The following TMEM260 variants were observed in gnomAD, a reference collection of about 807,000 sequenced individuals.
TMEM260 encodes the protein transmembrane protein 260, also known as protein O-mannosyl-transferase TMEM260.
In TMEM260, 82 loss-of-function variants were observed where a neutral mutation model predicts 88.9. That is an observed-to-expected ratio of 0.92 (90% confidence interval 0.77 to 1.11). The LOEUF (loss-of-function observed/expected upper bound fraction) is 1.11. Among genes scored for constraint, TMEM260 ranks in the 50% least tolerant of loss-of-function variants. TMEM260 has a pLI of 0.00. For missense variants in TMEM260, 902 were observed against 853.4 expected (o/e 1.06, Z -0.71); for synonymous variants, 314 against 309.3 (o/e 1.02, Z -0.16).
chr14:56,579,613 CG>C, upstream of TMEM260: 1 of 316,608 alleles, frequency 3.2e-6, no homozygotes, highest in Non-Finnish European at 5.7e-6. Context: ...GGCCTGTGGC[CG>C]GGCTTGCTTT....
At chr14:56,608,544 TGAG>T (rs1887055184) in intron 5 of TMEM260, among the ~76,000 whole-genome samples, 1 of 152,316 alleles carries the variant, frequency 6.6e-6, no homozygotes, top group African/African-American at 2.4e-5. Flanking sequence ...ATATGTAAAT[TGAG>T]GAGAAAAAAA....
At chr14:56,624,109 G>A (rs188367221) in intron 11 of TMEM260, among the ~76,000 whole-genome samples, 59 of 152,236 alleles carry the variant, frequency 3.9e-4, no homozygotes, top group African/African-American at 1.3e-3. Flanking sequence ...TGCCAAAAGA[G>A]TTTTTAACTT....
chr14:56,633,048 A>G lies in TMEM260; in HGVS notation c.1601A>G (p.Lys534Arg). 6.2e-7 allele frequency: 1 copy of G among 1,613,952 alleles called. No individual in the cohort carries two copies. The highest frequency in any genetic ancestry group is 8.5e-7 in the Non-Finnish European group (1 of 1,179,950). Residue 534 changes from lysine (K) to arginine (R), a missense_variant, in exon 13 of 16, where the codon AAG (lysine) becomes AGG (arginine). Physicochemically the swap from Lys to Arg is conservative, Grantham distance 26. Transcript: ENST00000261556. ...GIHEGDPTWK[K>R]NYSLWPWGSC... ...CATGAAGGCGACCCAACCTGGAAAAAGAACTATTCACTTTGGCCATGGGGG... is the reference window on the plus strand; with the variant it reads ...CATGAAGGCGACCCAACCTGGAAAAGGAACTATTCACTTTGGCCATGGGGG...
the TMEM260 span, among the ~76,000 whole-genome samples, chr14:56,662,394 C>T: frequency 1.3e-5 from 2 of 152,242 alleles, no homozygotes; most frequent in Middle Eastern, 3.4e-3. Flanking sequence ...CTGCAGAGCC[C>T]GGCCACCAAC....
intron 11 of TMEM260, among the ~76,000 whole-genome samples, chr14:56,623,869 AAAT>A (rs1186981358): frequency 5.3e-5 from 8 of 152,212 alleles, no homozygotes; most frequent in Non-Finnish European, 1.2e-4. Context: ...ACAATTTCTC[AAAT>A]GATGATATCC....
intron 15 of TMEM260, 100 bp from the exon 16 acceptor site, chr14:56,647,142 AT>A (rs914633815): frequency 3.8e-5 from 50 of 1,323,438 alleles, no homozygotes; most frequent in African/African-American, 7.5e-5. Context: ...GGCTGCTTGA[AT>A]TTTTTTTTCT....
intron 15 of TMEM260, among the ~76,000 whole-genome samples, chr14:56,641,293 C>T (rs1052545355): frequency 2.6e-5 from 4 of 152,108 alleles, no homozygotes; most frequent in Non-Finnish European, 5.9e-5. Context: ...CAAAGGGAAG[C>T]CCATCAGACT....
chr14:56,647,293 C>T lies in TMEM260; in HGVS notation c.1920C>T (p.His640=). Residue 640 remains histidine (H), a synonymous_variant, in exon 16 of 16, where the codon CAC becomes CAT. Coordinates refer to ENST00000261556, the MANE Select transcript of TMEM260 (RefSeq NM_017799.4). ...YLQKEHPVNW[H]KNYAIACERM... The stretch of plus-strand genomic sequence containing the variant: ...AAAAGGAGCACCCAGTGAATTGGCA[C>T]AAGAACTATGCCATCGCCTGTGAGC... The T allele has an allele frequency of 6.2e-7, 1 of 1,614,062 alleles. No homozygotes were observed. The highest frequency in any genetic ancestry group is 8.5e-7 in the Non-Finnish European group (1 of 1,179,960).
chr14:56,590,028 G>C (rs986208938), intron 3 of TMEM260, among the ~76,000 whole-genome samples: 1 of 152,164 alleles, frequency 6.6e-6, no homozygotes, highest in African/African-American at 2.4e-5. Context: ...GTAACAAATA[G>C]TTACCAAGTT....
chr14:56,607,834 T>C lies in TMEM260; in HGVS notation c.637-1272T>C, dbSNP rs2139563671. 2.0e-5 allele frequency among the ~76,000 whole-genome samples: 3 copies of C among 152,272 alleles called. No individual in the cohort carries two copies. The Middle Eastern group carries it at 0.01, about 518-fold the overall frequency. ...TAAGAAGCTCCCCAGGTGATTTTAA[T>C]GTGCAGTTAGGATTAGGAGCCACTT... On this transcript the variant is annotated intron_variant, in intron 5 of 15. Transcript: ENST00000261556.
At chr14:56,604,645 G>T (rs1886782815) in intron 4 of TMEM260, among the ~76,000 whole-genome samples, 1 of 151,976 alleles carries the variant, frequency 6.6e-6, no homozygotes, top group African/African-American at 2.4e-5. Context: ...TATTAGAGGG[G>T]GTTTTTGGCT....
chr14:56,627,076 C>T (rs534913824), intron 12 of TMEM260, among the ~76,000 whole-genome samples: 223 of 152,054 alleles, frequency 1.5e-3, no homozygotes, highest in Non-Finnish European at 2.3e-3. Context: ...AATAATTTAA[C>T]GAATATTCTA....
Position 56,615,990 on chromosome 14 carries a change from GC to G in TMEM260, c.907del (p.Ala304GlnfsTer8). ...GACCGAACTCTCATTCAACATCCAA[GC>G]CCTTGCAGTTTGTGCAAATATATGT... ...MRTELSFNIQ[A>X]LAVCANICLA... On this transcript the variant is annotated frameshift_variant, in exon 8 of 16. Transcript: ENST00000261556. LOFTEE classifies it high-confidence loss of function. 1 of 1,613,222 alleles carries G rather than the reference GC, an allele frequency of 6.2e-7. No individual in the cohort carries two copies. Among genetic ancestry groups the G allele is most frequent in the Non-Finnish European group, 8.5e-7 (1 of 1,179,418 alleles).
intron 15 of TMEM260, among the ~76,000 whole-genome samples, chr14:56,646,671 T>G (rs1221659853): frequency 6.6e-6 from 1 of 152,368 alleles, no homozygotes; most frequent in South Asian, 2.1e-4. Context: ...TCTCACTTTA[T>G]GGATATCTCT....
At chr14:56,633,264 T>G in intron 13 of TMEM260, 93 bp downstream of exon 13, 1 of 1,068,000 alleles carries the variant, frequency 9.4e-7, no homozygotes, top group Non-Finnish European at 1.3e-6. Flanking sequence ...TCTAATTTTT[T>G]TTTTTATTAA....
chr14:56,610,538 G>T (rs547090829), intron 6 of TMEM260, among the ~76,000 whole-genome samples: 7 of 152,086 alleles, frequency 4.6e-5, no homozygotes, highest in Non-Finnish European at 1.0e-4. Flanking sequence ...CACCGCGCCC[G>T]GCCAGTGAGG....
At chr14:56,583,524 C>T (rs1885275109) in intron 1 of TMEM260, among the ~76,000 whole-genome samples, 1 of 151,794 alleles carries the variant, frequency 6.6e-6, no homozygotes, top group Non-Finnish European at 1.5e-5. Flanking sequence ...TATCCTGGCA[C>T]GATCGTGAAA....
chr14:56,636,856 AC>A (rs1889132399), intron 15 of TMEM260, among the ~76,000 whole-genome samples: 1 of 152,206 alleles, frequency 6.6e-6, no homozygotes, highest in African/African-American at 2.4e-5. Flanking sequence ...TGAATATGTT[AC>A]CTATGTAACA....
In TMEM260 at chr14:56,633,410, GGTTAGA is replaced by G. The variant is rs1260272496; in HGVS notation, c.1724+240_1724+245del. On this transcript the variant is annotated intron_variant, in intron 13 of 15. Coordinates refer to ENST00000261556, the MANE Select transcript of TMEM260 (RefSeq NM_017799.4). ...GTGCTGGTTGTGTGGATACCATGAT[GGTTAGA>G]TGCATGGCACCTTCTACTTCCAAGT... is the stretch of plus-strand genomic sequence containing the variant. 3.6e-4 allele frequency: 123 copies of G among 340,056 alleles called. 1 individual carries two copies. Among genetic ancestry groups the G allele is most frequent in the Middle Eastern group, 9.0e-4 (1 of 1,114 alleles). 21.1% of individuals were successfully genotyped at this position (340,056 alleles called of 1,614,324 possible). A position where few individuals can be genotyped will look rare whatever the true frequency, so the allele number is the denominator to read the frequency against.
Sources: allele counts gnomAD v4.1 joint callset (sites outside exome capture counted in the v4.1 genomes callset), GRCh38; gene constraint gnomAD v4.1.1; transcripts MANE v1.5; gene names NCBI Gene and HGNC (gene_info 2026-07-23, HGNC 2026-07-21).